The following MLLT10 variants were observed in gnomAD, a reference collection of about 807,000 sequenced individuals.
MLLT10 encodes protein AF-10.
Under a neutral mutation model 129.1 loss-of-function variants are expected in MLLT10, and 30 were observed. The observed-to-expected ratio is 0.23, with a 90% confidence interval of 0.17 to 0.32. MLLT10 has a LOEUF of 0.32. Ranked by LOEUF, MLLT10 falls within the 10% of genes least tolerant of loss-of-function variation. The pLI is 1.00. For synonymous variants in MLLT10, 490 were observed against 446.4 expected (o/e 1.10, Z -1.23); for missense variants, 1,119 against 1,268.3 (o/e 0.88, Z 1.79).
chr10:21,613,994 G>A (rs1379998807), intron 6 of MLLT10, among the ~76,000 whole-genome samples: 1 of 151,976 alleles, frequency 6.6e-6, no homozygotes, highest in Admixed American at 6.6e-5. Context: ...GCCAAGGTGG[G>A]AGGATCGCTT....
At chr10:21,619,929 C>T (rs1406823213) in intron 8 of MLLT10, among the ~76,000 whole-genome samples, 13 of 146,686 alleles carry the variant, frequency 8.9e-5, no homozygotes, top group Admixed American at 2.0e-4. Flanking sequence ...TTTTCTTTTT[C>T]TTTTCTTTTT....
chr10:21,666,215 A>G (rs1049011315), intron 9 of MLLT10, among the ~76,000 whole-genome samples: 8 of 152,262 alleles, frequency 5.3e-5, no homozygotes, highest in Admixed American at 3.3e-4. Context: ...CCTTCAAGCA[A>G]TATTATACTA....
At chr10:21,713,330 C>T (rs770541874) in intron 13 of MLLT10, among the ~76,000 whole-genome samples, 10 of 152,182 alleles carry the variant, frequency 6.6e-5, no homozygotes, top group Non-Finnish European at 1.3e-4. Context: ...TCTACCTTGT[C>T]GGCTTTCTAG....
chr10:21,558,561 TAAAG>T (rs2038373416), intron 3 of MLLT10, among the ~76,000 whole-genome samples: 1 of 151,860 alleles, frequency 6.6e-6, no homozygotes, highest in East Asian at 1.9e-4. Context: ...AATTTTTAAT[TAAAG>T]AATAGAGGTG....
In MLLT10 at chr10:21,625,902, A is replaced by G; in HGVS notation, c.699+8695A>G. 7.7e-6 allele frequency: 6 copies of G among 782,858 alleles called. No homozygotes were observed. The Admixed American group carries it at 8.5e-5, about 11-fold the overall frequency. The allele number at this position is 782,858 out of a possible 1,614,324, so 48.5% of individuals were successfully genotyped here. ...CTGGCCTTCTCAAAAAGGGGCACCA[A>G]CTCATCCTCATATACATCTCTTGGT... is the stretch of plus-strand genomic sequence containing the variant. On this transcript the variant is annotated intron_variant, in intron 8 of 22. Coordinates refer to ENST00000307729, the MANE Select transcript of MLLT10 (RefSeq NM_001195626.3).
chr10:21,662,816 G>T (rs1325358966), intron 9 of MLLT10, among the ~76,000 whole-genome samples: 1 of 152,170 alleles, frequency 6.6e-6, no homozygotes, highest in Non-Finnish European at 1.5e-5. Context: ...ACGTGCTAGT[G>T]AATTGTGGGG....
chr10:21,535,371 G>T (rs569363814), intron 2 of MLLT10, among the ~76,000 whole-genome samples: 2 of 152,064 alleles, frequency 1.3e-5, no homozygotes, highest in South Asian at 4.1e-4. Context: ...GAGCCAGAAG[G>T]CTCGGGCCCT....
intron 4 of MLLT10, among the ~76,000 whole-genome samples, chr10:21,592,576 C>A (rs1239915273): frequency 6.6e-6 from 1 of 152,152 alleles, no homozygotes; most frequent in Non-Finnish European, 1.5e-5. Flanking sequence ...CCTGCCTCAG[C>A]CTCCCGCGTA....
chr10:21,539,088 A>G, intron 3 of MLLT10, 176 bp downstream of exon 3: 1 of 498,648 alleles, frequency 2.0e-6, no homozygotes, highest in East Asian at 3.0e-5. Flanking sequence ...AAACTGAAAA[A>G]CAAATGGAAT....
chr10:21,646,525 AGAGTCTACCTTGT>A lies in MLLT10; in HGVS notation c.700-5146_700-5134del, dbSNP rs1312231725. On this transcript the variant is annotated intron_variant, in intron 8 of 22. Coordinates refer to ENST00000307729, the MANE Select transcript of MLLT10 (RefSeq NM_001195626.3). ...TTATGTTTTTTTGGGGGGGTAGATA[AGAGTCTACCTTGT>A]GCTTGTTTAAGCCATACCTTTCTGT... 5.3e-5 allele frequency among the ~76,000 whole-genome samples: 8 copies of A among 151,788 alleles called. No individual in the cohort carries two copies. In the East Asian group the frequency reaches 1.2e-3, roughly 22 times the overall value.
chr10:21,726,551 C>T (rs1034431247), intron 15 of MLLT10, among the ~76,000 whole-genome samples, 196 bp downstream of exon 15: 26 of 151,964 alleles, frequency 1.7e-4, no homozygotes, highest in Non-Finnish European at 3.4e-4. Flanking sequence ...TTTTATTATT[C>T]CACATTACAT....
At chr10:21,623,642 A>G (rs1250932641) in intron 8 of MLLT10, among the ~76,000 whole-genome samples, 7 of 152,236 alleles carry the variant, frequency 4.6e-5, no homozygotes, top group African/African-American at 1.7e-4. Context: ...AGTTGATTTG[A>G]CTAGTCAAAA....
chr10:21,616,803 G>A (rs116458541), intron 7 of MLLT10, among the ~76,000 whole-genome samples: 1 of 151,530 alleles, frequency 6.6e-6, no homozygotes, highest in Non-Finnish European at 1.5e-5. Context: ...TTTTCTCTTT[G>A]TATTGAAACT....
At chr10:21,622,093 A>G (rs1234623281) in intron 8 of MLLT10, among the ~76,000 whole-genome samples, 1 of 151,584 alleles carries the variant, frequency 6.6e-6, no homozygotes, top group Non-Finnish European at 1.5e-5. Flanking sequence ...AGAAAAGTTA[A>G]TGGTGAAATA....
At chr10:21,593,644 A>G (rs1361765467) in intron 4 of MLLT10, among the ~76,000 whole-genome samples, 4 of 151,976 alleles carry the variant, frequency 2.6e-5, no homozygotes, top group Non-Finnish European at 4.4e-5. Context: ...AAGAAATTTT[A>G]GGCTGGGTGT....
intron 8 of MLLT10, among the ~76,000 whole-genome samples, chr10:21,619,830 T>C (rs923500911): frequency 8.5e-5 from 13 of 152,168 alleles, no homozygotes; most frequent in African/African-American, 3.1e-4. Context: ...TTTAAAAATA[T>C]GGGATGATTA....
intron 9 of MLLT10, among the ~76,000 whole-genome samples, chr10:21,670,232 A>G (rs970673144): frequency 6.6e-5 from 10 of 152,152 alleles, no homozygotes; most frequent in Non-Finnish European, 8.8e-5. Flanking sequence ...GCCATCTTTA[A>G]ATTATGTAGG....
intron 14 of MLLT10, among the ~76,000 whole-genome samples, chr10:21,717,946 TTTC>T (rs1446002586): frequency 7.0e-6 from 1 of 143,454 alleles, no homozygotes; most frequent in Non-Finnish European, 1.5e-5. Flanking sequence ...TCTTTTCTTC[TTTC>T]TTCTTCTTTC....
intron 3 of MLLT10, among the ~76,000 whole-genome samples, chr10:21,584,020 C>T (rs2041735588): frequency 6.6e-6 from 1 of 152,036 alleles, no homozygotes; most frequent in Non-Finnish European, 1.5e-5. Flanking sequence ...CAGGCGCCTG[C>T]CACCACGCCC....
Sources: gnomAD v4.1 joint callset for allele counts (sites outside exome capture counted in the v4.1 genomes callset) on GRCh38, gnomAD v4.1.1 for gene constraint, MANE v1.5 for transcripts, NCBI Gene and HGNC (gene_info 2026-07-23, HGNC 2026-07-21) for gene names.